NDUFAF2: variants seen among roughly 807,000 people sequenced by gnomAD.
The protein encoded by NDUFAF2 is NADH dehydrogenase [ubiquinone] 1 alpha subcomplex assembly factor 2.
NDUFAF2 carries 13 observed loss-of-function variants against 22.8 expected under a neutral mutation model. The observed-to-expected ratio is 0.57, with a 90% CI of 0.37 to 0.91. The LOEUF is 0.91. NDUFAF2 is among the 40% of genes least tolerant of loss of function. NDUFAF2 has a pLI of 0.01. For synonymous variants in NDUFAF2, 53 were observed against 64.2 expected (o/e 0.83, Z 0.84); for missense variants, 162 against 195.2 (o/e 0.83, Z 1.01).
intron 1 of NDUFAF2, among the ~76,000 whole-genome samples, chr5:60,966,072 C>T (rs1161296418): frequency 1.3e-5 from 2 of 151,882 alleles, no homozygotes; most frequent in African/African-American, 2.4e-5. Context: ...CGAATAGGTG[C>T]GAAGGTATGT....
chr5:61,136,005 T>TCATATATA (rs1411594766), intron 3 of NDUFAF2, among the ~76,000 whole-genome samples: 1 of 96,052 alleles, frequency 1.0e-5, no homozygotes, highest in Non-Finnish European at 2.0e-5. Flanking sequence ...AAGCCTGTCT[T>TCATATATA]TATATATATA....
chr5:61,029,844 C>T (rs759729279), intron 1 of NDUFAF2, among the ~76,000 whole-genome samples: 9 of 152,114 alleles, frequency 5.9e-5, no homozygotes, highest in South Asian at 2.1e-4. Flanking sequence ...GTCCCCTTGC[C>T]GGCAGCTAGC....
At position 60,949,250 on chromosome 5, in the gene NDUFAF2, T is replaced by C. The variant is rs146992129; in HGVS notation, c.127+3868T>C. Among the ~76,000 whole-genome samples the C allele has an allele frequency of 3.6e-3, 541 of 152,296 alleles. 3 individuals are homozygous for C. Among genetic ancestry groups the C allele is most frequent in the African/African-American group, 0.012 (510 of 41,564 alleles). ...AACCTCAGCAACCACTGATTTGTTC[T>C]CTGCCATTATACTTTTTTCCATTTG... On this transcript the variant is annotated intron_variant, in intron 1 of 3. Coordinates refer to ENST00000296597, the MANE Select transcript of NDUFAF2 (RefSeq NM_174889.5).
At chr5:61,035,623 C>T (rs947140237) in intron 1 of NDUFAF2, among the ~76,000 whole-genome samples, 3 of 151,870 alleles carry the variant, frequency 2.0e-5, no homozygotes, top group Admixed American at 1.3e-4. Flanking sequence ...CCCCACTACA[C>T]CAAAAAGGAC....
At chr5:61,139,922 C>A (rs931001983) in intron 3 of NDUFAF2, among the ~76,000 whole-genome samples, 2 of 152,244 alleles carry the variant, frequency 1.3e-5, no homozygotes, top group African/African-American at 4.8e-5. Context: ...GGGGTACTTT[C>A]CCACTTTCGG....
intron 1 of NDUFAF2, among the ~76,000 whole-genome samples, chr5:61,004,232 A>G (rs905194193): frequency 3.3e-5 from 5 of 152,056 alleles, no homozygotes; most frequent in African/African-American, 2.4e-5. Flanking sequence ...GCTTACAGAT[A>G]TCCCTTCTAT....
At chr5:61,013,918 T>C (rs1331999180) in intron 1 of NDUFAF2, among the ~76,000 whole-genome samples, 1 of 152,198 alleles carries the variant, frequency 6.6e-6, no homozygotes, top group African/African-American at 2.4e-5. Flanking sequence ...GTAATTCCTA[T>C]TGGAGATTAT....
chr5:61,056,912 AAAAAAAAATATAT>A (rs1752102853), intron 1 of NDUFAF2, among the ~76,000 whole-genome samples: 1 of 41,190 alleles, frequency 2.4e-5, no homozygotes, highest in African/African-American at 9.0e-5. Flanking sequence ...AAAAAAAAAA[AAAAAAAAATATAT>A]ATATATATAT....
Position 61,060,386 on chromosome 5 carries a change from A to G in NDUFAF2, c.128-12739A>G, listed in dbSNP as rs1385527795. ...ATATGTAGCGTGGTGCTTGGCTTTC[A>G]GTAGTTCTCACTTTCATACATTGTG... is the stretch of plus-strand genomic sequence containing the variant. On this transcript the variant is annotated intron_variant, in intron 1 of 3. Coordinates refer to ENST00000296597, the MANE Select transcript of NDUFAF2 (RefSeq NM_174889.5). 2.0e-5 allele frequency among the ~76,000 whole-genome samples: 3 copies of G among 152,174 alleles called. No individual in the cohort carries two copies. In the East Asian group the frequency reaches 5.8e-4, roughly 29 times the overall value.
At chr5:60,987,299 C>G (rs1374856403) in intron 1 of NDUFAF2, among the ~76,000 whole-genome samples, 1 of 151,904 alleles carries the variant, frequency 6.6e-6, no homozygotes, top group African/African-American at 2.4e-5. Context: ...CCTACCAATC[C>G]CCCATAAAAG....
At chr5:61,023,434 A>G (rs781235446) in intron 1 of NDUFAF2, among the ~76,000 whole-genome samples, 22 of 152,094 alleles carry the variant, frequency 1.4e-4, no homozygotes, top group Non-Finnish European at 2.8e-4. Flanking sequence ...CATCAGCTAA[A>G]GCTTTCTCCT....
intron 2 of NDUFAF2, among the ~76,000 whole-genome samples, chr5:61,089,793 T>C (rs4141502): frequency 0.6 from 91,306 of 151,902 alleles, 28,192 homozygotes; most frequent in East Asian, 0.94. Flanking sequence ...ATTCTTATAT[T>C]AATGGATGAA....
At chr5:61,074,899 G>A (rs1344427933) in intron 2 of NDUFAF2, among the ~76,000 whole-genome samples, 3 of 152,324 alleles carry the variant, frequency 2.0e-5, no homozygotes, top group South Asian at 2.1e-4. Flanking sequence ...GGGGAGGCAA[G>A]CACCTTCTTT....
chr5:61,151,707 G>A (rs1448936224), intron 3 of NDUFAF2, among the ~76,000 whole-genome samples: 8 of 152,160 alleles, frequency 5.3e-5, no homozygotes, highest in Non-Finnish European at 1.0e-4. Context: ...GAACCTGGAA[G>A]GTGGAGATTG....
In NDUFAF2 at chr5:61,112,220, T is replaced by C. The variant is rs1331833282; in HGVS notation, c.258+13188T>C. 9.8e-3 allele frequency among the ~76,000 whole-genome samples: 496 copies of C among 50,624 alleles called. 2 individuals are homozygous for C. Among genetic ancestry groups the C allele is most frequent in the East Asian group, 0.026 (6 of 230 alleles). 33.2% of individuals were successfully genotyped at this position (50,624 alleles called of 152,430 possible). A position where few individuals can be genotyped will look rare whatever the true frequency, so the allele number is the denominator to read the frequency against. On this transcript the variant is annotated intron_variant, in intron 3 of 3. Coordinates refer to ENST00000296597, the MANE Select transcript of NDUFAF2 (RefSeq NM_174889.5). Reference sequence around the variant, plus strand: ...TAATGACCTTCTTTATCCCCCCCCCTTTTTTTTTTTTTGAGACAGAGTCTC... The same window carrying C: ...TAATGACCTTCTTTATCCCCCCCCCCTTTTTTTTTTTTGAGACAGAGTCTC...
rs1580115651 is a variant in NDUFAF2, at chr5:61,056,344, A to T, written c.128-16781A>T. ...TTTATCTTTTTGAGCATCATTGAGA[A>T]ATAATGAATAAGTAGGTAAAAATTG... On this transcript the variant is annotated intron_variant, in intron 1 of 3. Coordinates refer to ENST00000296597, the MANE Select transcript of NDUFAF2 (RefSeq NM_174889.5). Among the ~76,000 whole-genome samples the T allele has an allele frequency of 2.0e-5, 3 of 152,322 alleles. No homozygotes were observed. The South Asian group carries it at 6.2e-4, about 32-fold the overall frequency.
intron 2 of NDUFAF2, among the ~76,000 whole-genome samples, chr5:61,084,913 A>G (rs1247726660): frequency 6.6e-6 from 1 of 152,202 alleles, no homozygotes; most frequent in Non-Finnish European, 1.5e-5. Context: ...ACATCAGACA[A>G]CATGACCCAA....
intron 2 of NDUFAF2, 101 bp downstream of exon 2, chr5:61,073,315 A>T (rs573025532): frequency 1.1e-6 from 1 of 919,510 alleles, no homozygotes; most frequent in South Asian, 1.4e-5. Flanking sequence ...TCTCTTTGCA[A>T]AAAAGTTTTA....
At chr5:61,110,296 T>A (rs1752822499) in intron 3 of NDUFAF2, among the ~76,000 whole-genome samples, 1 of 151,876 alleles carries the variant, frequency 6.6e-6, no homozygotes, top group Admixed American at 6.6e-5. Context: ...TTTAAATGTA[T>A]CTTTGTCTGC....
Sources: allele counts gnomAD v4.1 joint callset (sites outside exome capture counted in the v4.1 genomes callset), GRCh38; gene constraint gnomAD v4.1.1; transcripts MANE v1.5; gene names NCBI Gene and HGNC (gene_info 2026-07-23, HGNC 2026-07-21).